The following NOVA1 variants were observed in gnomAD, a reference collection of about 807,000 sequenced individuals.
NOVA1 encodes RNA-binding protein Nova-1.
Under a neutral mutation model 38.0 loss-of-function variants are expected in NOVA1, and 7 were observed. That is an observed-to-expected ratio of 0.18 (90% CI 0.10 to 0.35). NOVA1 has a LOEUF of 0.35. Among genes scored for constraint, NOVA1 ranks in the 10% least tolerant of loss-of-function variants. The probability of loss-of-function intolerance (pLI) is 1.00; values close to 1 mark genes in which losing one functional copy is unlikely to be tolerated. For synonymous variants in NOVA1, 270 were observed against 232.5 expected (o/e 1.16, Z -1.47); for missense variants, 460 against 616.0 (o/e 0.75, Z 2.68).
At chr14:26,512,935 T>G (rs886080127) in intron 2 of NOVA1, among the ~76,000 whole-genome samples, 3 of 152,010 alleles carry the variant, frequency 2.0e-5, no homozygotes, top group African/African-American at 7.2e-5. Flanking sequence ...TACTGTTACC[T>G]GCAATTAATT....
intron 3 of NOVA1, chr14:26,479,746 T>C: frequency 2.4e-6 from 1 of 419,616 alleles, no homozygotes; most frequent in Non-Finnish European, 4.2e-6. Flanking sequence ...AAGAGTCACA[T>C]AAGTGCTCCT....
chr14:26,515,028 A>T (rs1346465226), intron 2 of NOVA1, among the ~76,000 whole-genome samples: 1 of 151,860 alleles, frequency 6.6e-6, no homozygotes, highest in Non-Finnish European at 1.5e-5. Context: ...CTATATACTT[A>T]TTCTTTCTTC....
At chr14:26,552,266 T>A (rs987645206) in intron 2 of NOVA1, among the ~76,000 whole-genome samples, 1 of 152,054 alleles carries the variant, frequency 6.6e-6, no homozygotes, top group African/African-American at 2.4e-5. Context: ...AGAGTTCATG[T>A]AAGAACCACG....
At chr14:26,542,986 C>A (rs1270380000) in intron 2 of NOVA1, among the ~76,000 whole-genome samples, 2 of 151,764 alleles carry the variant, frequency 1.3e-5, no homozygotes, top group Non-Finnish European at 1.5e-5. Context: ...TAAATAAACA[C>A]CACTGAGTTA....
rs143496748 is a variant in NOVA1, at chr14:26,513,696, A to AAT, written c.281-33554_281-33553insAT. Among the ~76,000 whole-genome samples the AAT allele has an allele frequency of 3.0e-3, 450 of 151,854 alleles. 2 individuals carry two copies. Among genetic ancestry groups the AAT allele is most frequent in the African/African-American group, 0.011 (440 of 41,516 alleles). ...CCTGTAAATTTTATTTAATAAAAAAACAGATAAAAATACTGATAAATATTA... is the reference window on the plus strand; with the variant it reads ...CCTGTAAATTTTATTTAATAAAAAAAATCAGATAAAAATACTGATAAATATTA... On this transcript the variant is annotated intron_variant, in intron 2 of 4. Transcript: ENST00000539517.
intron 4 of NOVA1, among the ~76,000 whole-genome samples, chr14:26,459,712 A>C (rs897697581): frequency 2.0e-5 from 3 of 152,122 alleles, no homozygotes; most frequent in Non-Finnish European, 2.9e-5. Flanking sequence ...GGAATAAAGA[A>C]CTTTTTAAAA....
At chr14:26,582,709 T>C (rs1893295910) in intron 2 of NOVA1, among the ~76,000 whole-genome samples, 1 of 151,814 alleles carries the variant, frequency 6.6e-6, no homozygotes, top group African/African-American at 2.4e-5. Context: ...CTTCAGATAA[T>C]AAGTCAATCA....
intron 2 of NOVA1, among the ~76,000 whole-genome samples, chr14:26,581,519 T>A (rs1893220736): frequency 6.6e-6 from 1 of 152,126 alleles, no homozygotes; most frequent in Non-Finnish European, 1.5e-5. Context: ...TGACCTAATG[T>A]CAATATGAAA....
intron 2 of NOVA1, among the ~76,000 whole-genome samples, chr14:26,563,118 G>T (rs553698835): frequency 1.2e-4 from 18 of 152,040 alleles, no homozygotes; most frequent in African/African-American, 3.9e-4. Context: ...AACCAAATAT[G>T]TAGCACCACA....
intron 2 of NOVA1, among the ~76,000 whole-genome samples, chr14:26,569,788 C>T (rs1339881318): frequency 6.6e-6 from 1 of 152,206 alleles, no homozygotes; most frequent in East Asian, 1.9e-4. Context: ...TGAAAAGAAT[C>T]AGTGCTAGCT....
intron 2 of NOVA1, among the ~76,000 whole-genome samples, chr14:26,505,019 A>C (rs1887535825): frequency 3.4e-5 from 1 of 29,370 alleles, no homozygotes; most frequent in Non-Finnish European, 7.7e-5. Context: ...TGAGCTAGCT[A>C]GCCATACTCA....
intron 2 of NOVA1, among the ~76,000 whole-genome samples, chr14:26,539,926 T>A (rs1179193775): frequency 6.6e-6 from 1 of 152,134 alleles, no homozygotes; most frequent in East Asian, 1.9e-4. Flanking sequence ...AATAGCCTGC[T>A]GCAGAGTTAC....
chr14:26,572,739 TGTGTG>T (rs1178147147), intron 2 of NOVA1, among the ~76,000 whole-genome samples: 1 of 150,832 alleles, frequency 6.6e-6, no homozygotes, highest in Non-Finnish European at 1.5e-5. Flanking sequence ...TGTGTGTGTG[TGTGTG>T]TGTGTGTGTG....
At chr14:26,523,563 C>A (rs568968121) in intron 2 of NOVA1, among the ~76,000 whole-genome samples, 1 of 152,252 alleles carries the variant, frequency 6.6e-6, no homozygotes, top group Non-Finnish European at 1.5e-5. Context: ...GTAAGACCTC[C>A]ATATGCGATC....
At chr14:26,495,224 T>A (rs1886673449) in intron 2 of NOVA1, among the ~76,000 whole-genome samples, 1 of 152,184 alleles carries the variant, frequency 6.6e-6, no homozygotes, top group Non-Finnish European at 1.5e-5. Context: ...GAAGACTTTC[T>A]TAACAGCCAT....
At chr14:26,591,487 C>T (rs1305686886) in intron 2 of NOVA1, among the ~76,000 whole-genome samples, 1 of 151,610 alleles carries the variant, frequency 6.6e-6, no homozygotes, top group Non-Finnish European at 1.5e-5. Context: ...AATATATATT[C>T]CAACAAATGT....
rs184234723 is a variant in NOVA1, at chr14:26,575,960, G to A, written c.280+19450C>T. ...TATCAACCAGAATAATTTTTATGGAGACTAAAATGAGGAAACTCGCAGCTG... is the reference window on the plus strand; with the variant it reads ...TATCAACCAGAATAATTTTTATGGAAACTAAAATGAGGAAACTCGCAGCTG... On this transcript the variant is annotated intron_variant, in intron 2 of 4. Coordinates refer to ENST00000539517, the MANE Select transcript of NOVA1 (RefSeq NM_002515.3). 2.6e-5 allele frequency among the ~76,000 whole-genome samples: 4 copies of A among 151,832 alleles called. No homozygotes were observed. In the East Asian group the frequency reaches 7.7e-4, roughly 29 times the overall value.
At chr14:26,459,326 A>C (rs1883462976) in intron 4 of NOVA1, among the ~76,000 whole-genome samples, 1 of 152,096 alleles carries the variant, frequency 6.6e-6, no homozygotes, top group African/African-American at 2.4e-5. Flanking sequence ...ATTGTGTTAC[A>C]ACTGCCTACA....
intron 4 of NOVA1, among the ~76,000 whole-genome samples, chr14:26,465,733 C>A (rs1040477886): frequency 6.6e-6 from 1 of 152,018 alleles, no homozygotes; most frequent in Non-Finnish European, 1.5e-5. Context: ...GACTTGTAAG[C>A]CTATTCTTTC....
Sources: allele counts gnomAD v4.1 joint callset (sites outside exome capture counted in the v4.1 genomes callset), GRCh38; gene constraint gnomAD v4.1.1; transcripts MANE v1.5; gene names NCBI Gene and HGNC (gene_info 2026-07-23, HGNC 2026-07-21).